GRM7: variants seen among roughly 807,000 people sequenced by gnomAD.
GRM7 encodes the protein glutamate metabotropic receptor 7, also known as metabotropic glutamate receptor 7.
Under a neutral mutation model 84.5 loss-of-function variants are expected in GRM7, and 35 were observed. That is an observed-to-expected ratio of 0.41 (90% CI 0.32 to 0.55). The LOEUF is 0.55. GRM7 is among the 20% of genes least tolerant of loss of function. GRM7 has a pLI of 0.19. For missense variants in GRM7, 1,003 were observed against 1,194.6 expected (o/e 0.84, Z 2.36); for synonymous variants, 487 against 455.1 (o/e 1.07, Z -0.89).
chr3:7,561,222 A>C (rs1252917914), intron 7 of GRM7, among the ~76,000 whole-genome samples: 1 of 152,046 alleles, frequency 6.6e-6, no homozygotes. Context: ...TCATTAAAGC[A>C]CTCATATTCA....
intron 4 of GRM7, among the ~76,000 whole-genome samples, chr3:7,411,559 C>T (rs577101342): frequency 6.6e-6 from 1 of 152,310 alleles, no homozygotes; most frequent in South Asian, 2.1e-4. Context: ...ATGACTGCCT[C>T]ATTAAACAAT....
chr3:7,092,045 G>T (rs1219552511), intron 1 of GRM7, among the ~76,000 whole-genome samples: 1 of 151,976 alleles, frequency 6.6e-6, no homozygotes, highest in Admixed American at 6.6e-5. Context: ...ATCTCACTCT[G>T]TCACCCAGGC....
At chr3:7,688,314 G>A (rs1700664294) in intron 9 of GRM7, among the ~76,000 whole-genome samples, 1 of 152,070 alleles carries the variant, frequency 6.6e-6, no homozygotes, top group Non-Finnish European at 1.5e-5. Flanking sequence ...AAAGCAATGA[G>A]GTCACATCAT....
At chr3:7,154,226 A>G (rs531804130) in intron 2 of GRM7, among the ~76,000 whole-genome samples, 163 of 152,268 alleles carry the variant, frequency 1.1e-3, no homozygotes, top group Middle Eastern at 6.8e-3. Context: ...CTCACTGGGA[A>G]CTACCATATT....
chr3:6,923,572 G>A (rs1428766536), intron 1 of GRM7, among the ~76,000 whole-genome samples: 6 of 152,078 alleles, frequency 3.9e-5, no homozygotes, highest in African/African-American at 1.4e-4. Context: ...TCCTCTGTTG[G>A]TTTTTATTTT....
At chr3:6,995,882 C>A (rs1163618192) in intron 1 of GRM7, among the ~76,000 whole-genome samples, 1 of 152,058 alleles carries the variant, frequency 6.6e-6, no homozygotes, top group Non-Finnish European at 1.5e-5. Context: ...TAATTGAGTT[C>A]AAATTTTAAT....
At chr3:7,414,939 A>T in intron 4 of GRM7, 84 bp from the exon 5 acceptor site, 2 of 1,114,544 alleles carry the variant, frequency 1.8e-6, no homozygotes, top group Non-Finnish European at 2.5e-6. Context: ...TGAAACAAAG[A>T]AAAAAAAAGT....
chr3:7,457,683 G>C (rs536462493), intron 6 of GRM7, among the ~76,000 whole-genome samples: 2 of 152,220 alleles, frequency 1.3e-5, no homozygotes, highest in African/African-American at 4.8e-5. Flanking sequence ...GACTAATTTG[G>C]AAGTAGCACT....
chr3:7,722,186 A>G (rs1446638036), intron 9 of GRM7, among the ~76,000 whole-genome samples: 2 of 152,186 alleles, frequency 1.3e-5, no homozygotes, highest in African/African-American at 2.4e-5. Flanking sequence ...GAAAACACGT[A>G]TCAGTGTTAT....
At chr3:7,126,546 C>T (rs1023309746) in intron 1 of GRM7, among the ~76,000 whole-genome samples, 4 of 152,156 alleles carry the variant, frequency 2.6e-5, no homozygotes, top group Admixed American at 2.6e-4. Context: ...AGGCATTTTG[C>T]TTCTCATTTT....
intron 9 of GRM7, among the ~76,000 whole-genome samples, chr3:7,684,423 T>C (rs1700500025): frequency 6.6e-6 from 1 of 152,218 alleles, no homozygotes; most frequent in Admixed American, 6.5e-5. Flanking sequence ...GTCCTCTTAT[T>C]CATTGTTGCT....
chr3:7,371,979 G>A (rs1694158837), intron 4 of GRM7, among the ~76,000 whole-genome samples: 1 of 152,176 alleles, frequency 6.6e-6, no homozygotes, highest in Admixed American at 6.5e-5. Flanking sequence ...CTCAAAGGGA[G>A]AGAGATGGAT....
At chr3:7,279,135 T>C (rs1221262008) in intron 2 of GRM7, among the ~76,000 whole-genome samples, 1 of 152,180 alleles carries the variant, frequency 6.6e-6, no homozygotes, top group Non-Finnish European at 1.5e-5. Flanking sequence ...ACATAAGGGC[T>C]GGGTTGATGT....
intron 1 of GRM7, among the ~76,000 whole-genome samples, chr3:7,072,117 T>A (rs554040143): frequency 2.7e-4 from 41 of 152,242 alleles, no homozygotes; most frequent in African/African-American, 9.4e-4. Flanking sequence ...GACCGTAATA[T>A]GCCCAGTTCA....
chr3:6,928,632 T>C lies in GRM7; in HGVS notation c.519+66725T>C, dbSNP rs1048237324. ...CTCAACTTTTTCATTATAGCCCAGA[T>C]TTTGCCAGGCAAACAACTTGATAGA... On this transcript the variant is annotated intron_variant, in intron 1 of 9. Transcript: ENST00000357716. The surrounding 1 kb of genome is among the most constrained non-coding windows in gnomAD (Gnocchi z 4.5). Among the ~76,000 whole-genome samples the C allele has an allele frequency of 2.0e-5, 3 of 152,220 alleles. No individual in the cohort carries two copies. The highest frequency in any genetic ancestry group is 2.9e-5 in the Non-Finnish European group (2 of 68,032).
chr3:7,297,215 A>T (rs1699845653), intron 2 of GRM7, among the ~76,000 whole-genome samples: 1 of 152,070 alleles, frequency 6.6e-6, no homozygotes. Context: ...TTTAGCTCAA[A>T]ATATTTTAAA....
chr3:7,651,913 C>T (rs1306381087), intron 8 of GRM7, among the ~76,000 whole-genome samples: 1 of 152,326 alleles, frequency 6.6e-6, no homozygotes, highest in South Asian at 2.1e-4. Context: ...ACAGCTCAAG[C>T]TCTCAGCCCC....
At chr3:7,494,733 TCCAGC>T (rs2124955485) in intron 7 of GRM7, among the ~76,000 whole-genome samples, 1 of 152,198 alleles carries the variant, frequency 6.6e-6, no homozygotes, top group East Asian at 1.9e-4. Flanking sequence ...CTTGAGCCCA[TCCAGC>T]CAATATTTTT....
At chr3:7,419,437 C>T (rs1312948854) in intron 5 of GRM7, among the ~76,000 whole-genome samples, 1 of 152,170 alleles carries the variant, frequency 6.6e-6, no homozygotes, top group Non-Finnish European at 1.5e-5. Flanking sequence ...TGTGTCCTTA[C>T]ATAGCTAATG....
Sources: allele counts gnomAD v4.1 joint callset (sites outside exome capture counted in the v4.1 genomes callset), GRCh38; gene constraint gnomAD v4.1.1; non-coding constraint Gnocchi (gnomAD v3.1); transcripts MANE v1.5; gene names NCBI Gene and HGNC (gene_info 2026-07-23, HGNC 2026-07-21).